Variants in MLIP observed in about 807,000 individuals in gnomAD.
MLIP encodes muscular LMNA interacting protein.
Under a neutral mutation model 84.8 loss-of-function variants are expected in MLIP, and 79 were observed. The observed-to-expected ratio is 0.93, with a 90% CI of 0.78 to 1.12. The LOEUF (loss-of-function observed/expected upper bound fraction) is 1.12. MLIP is among the 50% of genes most tolerant of loss of function. The pLI is 0.00. For missense variants in MLIP, 1,257 were observed against 1,160.6 expected (o/e 1.08, Z -1.21); for synonymous variants, 504 against 463.0 (o/e 1.09, Z -1.14).
intron 9 of MLIP, among the ~76,000 whole-genome samples, chr6:54,180,019 G>GT (rs1419563907): frequency 6.6e-6 from 1 of 151,988 alleles, no homozygotes; most frequent in Non-Finnish European, 1.5e-5. Flanking sequence ...TTGTTTTCTG[G>GT]GAAGGTCTTT....
At chr6:54,105,231 C>A (rs1768924949) in intron 1 of MLIP, among the ~76,000 whole-genome samples, 1 of 152,142 alleles carries the variant, frequency 6.6e-6, no homozygotes, top group Admixed American at 6.6e-5. Flanking sequence ...ATATGACTTA[C>A]AAGATGGAAT....
chr6:54,035,679 C>G (rs745883414), intron 1 of MLIP, among the ~76,000 whole-genome samples: 1 of 151,950 alleles, frequency 6.6e-6, no homozygotes, highest in Non-Finnish European at 1.5e-5. Context: ...GTGGTGGTAT[C>G]TTATCATGGT....
At chr6:54,213,022 T>C (rs1238571023) in intron 11 of MLIP, among the ~76,000 whole-genome samples, 1 of 152,218 alleles carries the variant, frequency 6.6e-6, no homozygotes, top group Non-Finnish European at 1.5e-5. Context: ...CACTTCCCTG[T>C]TTCTGGATTT....
chr6:54,148,503 G>A lies in MLIP; in HGVS notation c.2218-553G>A, dbSNP rs192396794. 1.1e-3 allele frequency among the ~76,000 whole-genome samples: 166 copies of A among 152,202 alleles called. 1 individual carries two copies. The Middle Eastern group carries it at 0.031, about 28-fold the overall frequency. Reference sequence around the variant, plus strand: ...TGTACTTTTTGTTTTTCTTTATGGAGTTACATTGCTGATATTATTTATGTT... The same window carrying A: ...TGTACTTTTTGTTTTTCTTTATGGAATTACATTGCTGATATTATTTATGTT... On this transcript the variant is annotated intron_variant, in intron 4 of 13. Transcript: ENST00000502396.
At chr6:54,087,019 T>C (rs951307138) in intron 1 of MLIP, among the ~76,000 whole-genome samples, 10 of 152,200 alleles carry the variant, frequency 6.6e-5, no homozygotes, top group African/African-American at 2.4e-4. Flanking sequence ...CTCTCTCTTC[T>C]AAAATAGAGG....
rs1561905428 is a variant in MLIP, at chr6:54,068,285, G to A, written c.63+49194G>A. Among the ~76,000 whole-genome samples, 2 of 96,540 alleles carry A rather than the reference G, an allele frequency of 2.1e-5. 1 individual carries two copies. The highest frequency in any genetic ancestry group is 2.0e-4 in the Admixed American group (2 of 10,160). 63.3% of individuals were successfully genotyped at this position (96,540 alleles called of 152,430 possible). A position where few individuals can be genotyped will look rare whatever the true frequency, so the allele number is the denominator to read the frequency against. On this transcript the variant is annotated intron_variant, in intron 1 of 12. Coordinates refer to the MLIP transcript ENST00000274897. The stretch of plus-strand genomic sequence containing the variant: ...CTGAGTAGCTGGGATTACAGGAACC[G>A]ACCATCATGCCCAGCTAATTTTTGT...
At chr6:54,261,333 A>G (rs565652193) in intron 13 of MLIP, among the ~76,000 whole-genome samples, 1 of 152,092 alleles carries the variant, frequency 6.6e-6, no homozygotes, top group Admixed American at 6.6e-5. Flanking sequence ...CAGCCCTATG[A>G]CTACTGCATT....
intron 12 of MLIP, among the ~76,000 whole-genome samples, chr6:54,242,588 C>T (rs142208260): frequency 3.9e-4 from 59 of 152,204 alleles, no homozygotes; most frequent in African/African-American, 1.3e-3. Context: ...GAGATTATGA[C>T]TTATCTGGAG....
intron 1 of MLIP, among the ~76,000 whole-genome samples, chr6:54,102,625 G>A (rs1279838347): frequency 6.6e-6 from 1 of 152,136 alleles, no homozygotes; most frequent in Non-Finnish European, 1.5e-5. Flanking sequence ...TTTTGTGACA[G>A]ATCCTGAAAT....
At chr6:54,141,080 G>C (rs1772255349) in intron 4 of MLIP, among the ~76,000 whole-genome samples, 1 of 152,078 alleles carries the variant, frequency 6.6e-6, no homozygotes, top group Admixed American at 6.6e-5. Flanking sequence ...GGGCTCTACT[G>C]TCCTTTGATA....
chr6:54,215,293 A>T, intron 11 of MLIP: 1 of 1,458,350 alleles, frequency 6.9e-7, no homozygotes. Context: ...ATAGAATTCA[A>T]TGGCAAGAAC....
chr6:54,095,882 C>T (rs929795984), intron 1 of MLIP, among the ~76,000 whole-genome samples: 2 of 151,990 alleles, frequency 1.3e-5, no homozygotes, highest in African/African-American at 4.8e-5. Flanking sequence ...GAAGATTTTC[C>T]CCGAGAGCAC....
At chr6:54,254,735 T>TCTCC (rs1554195159) in intron 12 of MLIP, among the ~76,000 whole-genome samples, 29 of 129,994 alleles carry the variant, frequency 2.2e-4, no homozygotes, top group African/African-American at 9.0e-4. Flanking sequence ...TCTTTTTTTT[T>TCTCC]CTCCCTCCCT....
intron 9 of MLIP, among the ~76,000 whole-genome samples, chr6:54,171,013 T>C (rs899995343): frequency 1.8e-4 from 28 of 151,478 alleles, no homozygotes; most frequent in Admixed American, 6.6e-4. Flanking sequence ...TCTCTCTCCT[T>C]CTTCTTTTAT....
At chr6:54,186,574 T>TC (rs1777415208) in intron 9 of MLIP, among the ~76,000 whole-genome samples, 1 of 152,206 alleles carries the variant, frequency 6.6e-6, no homozygotes, top group Admixed American at 6.5e-5. Flanking sequence ...TCAGGAAACT[T>TC]ATAATCATGG....
chr6:54,046,060 G>A (rs1267791448), intron 1 of MLIP: 7 of 152,036 alleles, frequency 4.6e-5, no homozygotes, highest in African/African-American at 1.7e-4. Context: ...AAGATTATTC[G>A]TGGGGAAGAT....
intron 12 of MLIP, among the ~76,000 whole-genome samples, chr6:54,249,822 G>T (rs538032913): frequency 4.6e-5 from 7 of 151,666 alleles, no homozygotes; most frequent in Middle Eastern, 3.4e-3. Context: ...TTAAGTTTGG[G>T]GGTCCATTTG....
intron 12 of MLIP, among the ~76,000 whole-genome samples, chr6:54,239,219 A>G (rs1781561705): frequency 6.6e-6 from 1 of 151,716 alleles, no homozygotes; most frequent in African/African-American, 2.4e-5. Flanking sequence ...CATAGCCTGA[A>G]CACTCTCACT....
intron 1 of MLIP, among the ~76,000 whole-genome samples, chr6:54,032,030 C>T (rs376718226): frequency 1.3e-5 from 2 of 152,182 alleles, no homozygotes; most frequent in African/African-American, 4.8e-5. Context: ...AGTGCTAGTT[C>T]ACAGAGCAAT....
Sources: gnomAD v4.1 joint callset for allele counts (sites outside exome capture counted in the v4.1 genomes callset) on GRCh38, gnomAD v4.1.1 for gene constraint, MANE v1.5 for transcripts, NCBI Gene and HGNC (gene_info 2026-07-23, HGNC 2026-07-21) for gene names.